CERS3: variants seen among roughly 807,000 people sequenced by gnomAD.
CERS3 encodes the protein ceramide synthase 3.
A neutral mutation model predicts 50.3 loss-of-function variants in CERS3; 33 were observed. The observed-to-expected ratio is 0.66, with a 90% CI of 0.50 to 0.88. The LOEUF is 0.88. Ranked by LOEUF, CERS3 falls within the 40% of genes least tolerant of loss-of-function variation. The pLI is 0.00. For missense variants in CERS3, 470 were observed against 460.3 expected (o/e 1.02, Z -0.19); for synonymous variants, 176 against 155.2 (o/e 1.13, Z -0.99).
rs147452260 is a variant in CERS3, at chr15:100,507,670, T to A, written c.-1-5820A>T. On this transcript the variant is annotated intron_variant, in intron 2 of 11. Coordinates refer to ENST00000679737, the MANE Select transcript of CERS3 (RefSeq NM_001378789.1). ...GTGAAAATTGCCACCAGGTGTGAAG[T>A]TGGTACGATGCCTTTCCCATTGTGA... Among the ~76,000 whole-genome samples the A allele has an allele frequency of 1.5e-4, 23 of 152,304 alleles. No homozygotes were observed. The East Asian group carries it at 4.3e-3, about 28-fold the overall frequency.
chr15:100,457,186 T>A (rs2034402045), intron 10 of CERS3, among the ~76,000 whole-genome samples: 1 of 152,222 alleles, frequency 6.6e-6, no homozygotes, highest in South Asian at 2.1e-4. Flanking sequence ...TACAATTTTT[T>A]AATTTTTTTA....
chr15:100,401,810 AG>A lies in CERS3; in HGVS notation c.*902del, dbSNP rs2030559229. The A allele has an allele frequency of 2.6e-5, 4 of 152,356 alleles. No individual in the cohort carries two copies. 9.4% of individuals were successfully genotyped at this position (152,356 alleles called of 1,614,324 possible). A position where few individuals can be genotyped will look rare whatever the true frequency, so the allele number is the denominator to read the frequency against. On this transcript the variant is annotated 3_prime_UTR_variant, in exon 12 of 12. Coordinates refer to ENST00000679737, the MANE Select transcript of CERS3 (RefSeq NM_001378789.1). ...CAGCACAGAAGCTTCCCTCCTAGAA[AG>A]GAAAAAAGGGAAAGACCAGCAAAGG...
At chr15:100,518,748 A>C (rs1032991223) in intron 2 of CERS3, among the ~76,000 whole-genome samples, 1 of 152,200 alleles carries the variant, frequency 6.6e-6, no homozygotes, top group African/African-American at 2.4e-5. Context: ...TCCCTGGGGG[A>C]TCAAACATGT....
rs2033712702 is a variant in CERS3, at chr15:100,442,224, C to T, written c.999+13669G>A. On this transcript the variant is annotated intron_variant, in intron 11 of 11. Transcript: ENST00000679737. ...CAGTTCATGACTCGTTTGGCAGCAA[C>T]CCTGAGACACTTTACAGCCCTAGAC... is the stretch of plus-strand genomic sequence containing the variant. 2.0e-5 allele frequency among the ~76,000 whole-genome samples: 3 copies of T among 152,140 alleles called. 1 individual carries two copies. In the South Asian group the frequency reaches 6.2e-4, roughly 32 times the overall value.
At chr15:100,439,928 C>A (rs945300733) in intron 11 of CERS3, among the ~76,000 whole-genome samples, 1 of 152,200 alleles carries the variant, frequency 6.6e-6, no homozygotes, top group Admixed American at 6.5e-5. Context: ...GGCTCCCCAA[C>A]CTGCTGGGTT....
At position 100,519,585 on chromosome 15, in the gene CERS3, G is replaced by A. The variant is rs150528766; in HGVS notation, c.-2+2082C>T. ...ATCTGAGCCCCAGTGATGTCCTCTT[G>A]TTTGGGGAGAGGGAAAGCCTTGGAT... On this transcript the variant is annotated intron_variant, in intron 2 of 11. Coordinates refer to ENST00000679737, the MANE Select transcript of CERS3 (RefSeq NM_001378789.1). Among the ~76,000 whole-genome samples the A allele has an allele frequency of 7.2e-5, 11 of 152,302 alleles. No individual in the cohort carries two copies. In the East Asian group the frequency reaches 1.9e-3, roughly 27 times the overall value.
At chr15:100,426,036 G>T (rs540053941) in intron 11 of CERS3, 1 of 152,322 alleles carries the variant, frequency 6.6e-6, no homozygotes, top group East Asian at 1.9e-4. Flanking sequence ...TGCTATGATT[G>T]TTTCCTGAGG....
intron 11 of CERS3, among the ~76,000 whole-genome samples, chr15:100,449,702 C>A (rs1047964377): frequency 6.6e-6 from 1 of 152,194 alleles, no homozygotes; most frequent in African/African-American, 2.4e-5. Flanking sequence ...AACCAAAGTT[C>A]CCTACCAACA....
intron 11 of CERS3, among the ~76,000 whole-genome samples, chr15:100,410,611 T>C (rs535644006): frequency 5.3e-4 from 81 of 152,300 alleles, no homozygotes; most frequent in Admixed American, 1.2e-3. Flanking sequence ...CCTAAAGCGA[T>C]AGACGCACTT....
rs765042743 is a variant in CERS3, at chr15:100,455,875, T to C, written c.999+18A>G. On this transcript the variant is annotated intron_variant, in intron 11 of 11. Coordinates refer to ENST00000679737, the MANE Select transcript of CERS3 (RefSeq NM_001378789.1). ...CTGGCAATGACATTAAGAGCAATAA[T>C]ATTTGGACAGCCCTTACCTTCATGA... The C allele has an allele frequency of 1.9e-6, 3 of 1,563,960 alleles. No homozygotes were observed. The highest frequency in any genetic ancestry group is 4.7e-5 in the East Asian group (2 of 42,852).
At chr15:100,503,080 T>G (rs992555827) in intron 2 of CERS3, among the ~76,000 whole-genome samples, 3 of 152,244 alleles carry the variant, frequency 2.0e-5, no homozygotes, top group African/African-American at 7.2e-5. Context: ...CATTTTGGAC[T>G]TGGGATTTTG....
chr15:100,418,729 T>G (rs1296003590), intron 11 of CERS3, among the ~76,000 whole-genome samples: 2 of 135,584 alleles, frequency 1.5e-5, no homozygotes, highest in African/African-American at 5.5e-5. Context: ...TAACAGCAGA[T>G]CTCTCGGCAG....
chr15:100,493,343 T>A (rs2035706790), intron 3 of CERS3, among the ~76,000 whole-genome samples: 1 of 152,192 alleles, frequency 6.6e-6, no homozygotes, highest in Non-Finnish European at 1.5e-5. Context: ...GTGTTTTTCT[T>A]TCAGCACTTT....
At chr15:100,469,069 T>C (rs1002684453) in intron 10 of CERS3, among the ~76,000 whole-genome samples, 7 of 152,326 alleles carry the variant, frequency 4.6e-5, no homozygotes, top group South Asian at 4.1e-4. Flanking sequence ...TGACTTTTCA[T>C]TGAGTGACTA....
chr15:100,421,110 G>C (rs915102807), intron 11 of CERS3, among the ~76,000 whole-genome samples: 3 of 151,184 alleles, frequency 2.0e-5, no homozygotes, highest in African/African-American at 7.4e-5. Flanking sequence ...AGGAAATAAA[G>C]GGTATTCAAT....
rs373252967 is a variant in CERS3, at chr15:100,504,869, A to G, written c.-1-3019T>C. On this transcript the variant is annotated intron_variant, in intron 2 of 11. Transcript: ENST00000679737. ...CCTGAACCATCTGACATAACTGACC[A>G]AAAGGGGAATTTAGAGAAATCTATT... Among the ~76,000 whole-genome samples, 4 of 152,356 alleles carry G rather than the reference A, an allele frequency of 2.6e-5. 1 individual carries two copies. The highest frequency in any genetic ancestry group is 9.6e-5 in the African/African-American group (4 of 41,598).
chr15:100,405,124 G>A (rs1217140827), intron 11 of CERS3, among the ~76,000 whole-genome samples: 1 of 151,224 alleles, frequency 6.6e-6, no homozygotes, highest in Non-Finnish European at 1.5e-5. Context: ...TTTGCCCTAA[G>A]ACAGACACTA....
At chr15:100,446,634 G>A (rs2033955801) in intron 11 of CERS3, among the ~76,000 whole-genome samples, 1 of 152,244 alleles carries the variant, frequency 6.6e-6, no homozygotes, top group Admixed American at 6.5e-5. Flanking sequence ...ATATAGTGCT[G>A]TATATATTAT....
chr15:100,478,257 T>A (rs1453735508), intron 7 of CERS3, among the ~76,000 whole-genome samples: 1 of 152,164 alleles, frequency 6.6e-6, no homozygotes, highest in Non-Finnish European at 1.5e-5. Context: ...TAATAGTAGA[T>A]TAGACATGGC....
Sources: allele counts gnomAD v4.1 joint callset (sites outside exome capture counted in the v4.1 genomes callset), GRCh38; gene constraint gnomAD v4.1.1; transcripts MANE v1.5; gene names NCBI Gene and HGNC (gene_info 2026-07-23, HGNC 2026-07-21).